KCNH1: variants seen among roughly 807,000 people sequenced by gnomAD.
The protein encoded by KCNH1 is voltage-gated delayed rectifier potassium channel KCNH1.
A neutral mutation model predicts 69.2 loss-of-function variants in KCNH1; 27 were observed. The ratio of observed to expected loss-of-function variants is 0.39; its 90% CI spans 0.29 to 0.54. KCNH1 has a LOEUF of 0.54. Ranked by LOEUF, KCNH1 falls within the 20% of genes least tolerant of loss-of-function variation. KCNH1 has a pLI of 0.68. For synonymous variants in KCNH1, 456 were observed against 487.7 expected, an observed-to-expected ratio of 0.93 and a Z score of 0.86; for missense variants, 798 against 1,261.6, an observed-to-expected ratio of 0.63 and a Z score of 5.57.
chr1:210,787,091 A>T (rs919970399), intron 9 of KCNH1, among the ~76,000 whole-genome samples: 1 of 151,604 alleles, frequency 6.6e-6, no homozygotes, highest in African/African-American at 2.4e-5. Flanking sequence ...AAATTCCCTA[A>T]CAAGTCTCAA....
chr1:210,833,751 C>T (rs1467974828), intron 7 of KCNH1, among the ~76,000 whole-genome samples: 2 of 152,016 alleles, frequency 1.3e-5, no homozygotes, highest in South Asian at 2.1e-4. Context: ...ACAGGCAACC[C>T]ACAAAATGGG....
intron 5 of KCNH1, among the ~76,000 whole-genome samples, chr1:211,077,972 T>A (rs1424037101): frequency 6.7e-6 from 1 of 149,426 alleles, no homozygotes; most frequent in Non-Finnish European, 1.5e-5. Flanking sequence ...GCAATCCTAG[T>A]CTCTGATAAA....
intron 5 of KCNH1, among the ~76,000 whole-genome samples, chr1:211,049,936 G>A (rs1200138749): frequency 6.6e-6 from 1 of 152,092 alleles, no homozygotes; most frequent in African/African-American, 2.4e-5. Context: ...AGAAACCAGA[G>A]TCAAACACAG....
chr1:210,953,157 G>GGC (rs1455254137), intron 6 of KCNH1, among the ~76,000 whole-genome samples: 4 of 152,114 alleles, frequency 2.6e-5, no homozygotes, highest in Non-Finnish European at 5.9e-5. Context: ...AGAGCAAAGG[G>GGC]TGAGACTTTT....
chr1:211,096,682 G>C (rs530428170), intron 3 of KCNH1, among the ~76,000 whole-genome samples: 3 of 152,048 alleles, frequency 2.0e-5, no homozygotes, highest in Non-Finnish European at 4.4e-5. Context: ...ACGTCAAACC[G>C]CTCCCTCTAA....
At chr1:210,979,037 G>C (rs565684097) in intron 6 of KCNH1, among the ~76,000 whole-genome samples, 1 of 152,084 alleles carries the variant, frequency 6.6e-6, no homozygotes, top group Admixed American at 6.6e-5. Flanking sequence ...CTGCAACCTC[G>C]GGCTTCTAGA....
chr1:210,942,367 C>G (rs1346587753), intron 6 of KCNH1, among the ~76,000 whole-genome samples: 1 of 152,126 alleles, frequency 6.6e-6, no homozygotes, highest in Non-Finnish European at 1.5e-5. Flanking sequence ...GTCACCCAAC[C>G]TCTCCGAGCT....
At position 210,822,669 on chromosome 1, in the gene KCNH1, T is replaced by G. The variant is rs551644952; in HGVS notation, c.1463-18503A>C. The stretch of plus-strand genomic sequence containing the variant: ...TTATGCTGCTGATTCTGCATGCTTT[T>G]CACACCCCATCTGTACCCAATGTTC... On this transcript the variant is annotated intron_variant, in intron 7 of 10. Transcript: ENST00000271751. Among the ~76,000 whole-genome samples, 27 of 152,244 alleles carry G rather than the reference T, an allele frequency of 1.8e-4. 1 individual carries two copies. In the South Asian group the frequency reaches 5.2e-3, roughly 29 times the overall value.
intron 10 of KCNH1, among the ~76,000 whole-genome samples, chr1:210,708,669 C>G (rs1308690208): frequency 6.6e-6 from 1 of 152,062 alleles, no homozygotes; most frequent in Non-Finnish European, 1.5e-5. Flanking sequence ...GGCACAAGTA[C>G]TGAGCCTGCA....
chr1:211,120,566 T>A (rs1236720613), intron 1 of KCNH1, among the ~76,000 whole-genome samples: 2 of 152,112 alleles, frequency 1.3e-5, no homozygotes, highest in Non-Finnish European at 2.9e-5. Context: ...TATAGACAAT[T>A]TGAACAAAAA....
At position 211,103,431 on chromosome 1, in the gene KCNH1, G is replaced by C. The variant is rs145871340; in HGVS notation, c.310+65C>G. ...AAGAAAAACCAAGACAGCAACAGAGGAAGAGGAGATATTTTACTATTTCAA... is the reference window on the plus strand; with the variant it reads ...AAGAAAAACCAAGACAGCAACAGAGCAAGAGGAGATATTTTACTATTTCAA... On this transcript the variant is annotated intron_variant, in intron 3 of 10. Transcript: ENST00000271751. 1.5e-4 allele frequency: 158 copies of C among 1,028,518 alleles called. No individual in the cohort carries two copies. The African/African-American group carries it at 2.0e-3, about 13-fold the overall frequency. The allele number at this position is 1,028,518 out of a possible 1,614,324, so 63.7% of individuals were successfully genotyped here.
intron 7 of KCNH1, among the ~76,000 whole-genome samples, chr1:210,867,903 G>A (rs1686149877): frequency 6.6e-6 from 1 of 151,914 alleles, no homozygotes; most frequent in Non-Finnish European, 1.5e-5. Context: ...ATAGACTAAA[G>A]TTTGTTTTGC....
intron 6 of KCNH1, among the ~76,000 whole-genome samples, chr1:210,979,557 T>G (rs1222787238): frequency 6.6e-6 from 1 of 152,246 alleles, no homozygotes; most frequent in Non-Finnish European, 1.5e-5. Flanking sequence ...GTTTCACTTC[T>G]TCATATCTGG....
intron 7 of KCNH1, among the ~76,000 whole-genome samples, chr1:210,848,786 C>T (rs1486911242): frequency 6.6e-6 from 1 of 152,196 alleles, no homozygotes; most frequent in Non-Finnish European, 1.5e-5. Flanking sequence ...ATCTTACCAA[C>T]TGGGCCCCCA....
intron 10 of KCNH1, among the ~76,000 whole-genome samples, chr1:210,772,193 A>G (rs1321071500): frequency 6.6e-6 from 1 of 152,218 alleles, no homozygotes; most frequent in Non-Finnish European, 1.5e-5. Context: ...GAAGTAGAGA[A>G]GAGATTGAAC....
chr1:210,907,002 T>C (rs1283191333), intron 7 of KCNH1, among the ~76,000 whole-genome samples: 1 of 152,138 alleles, frequency 6.6e-6, no homozygotes, highest in Non-Finnish European at 1.5e-5. Context: ...TCCATCAAAA[T>C]GTTAAACTTC....
intron 4 of KCNH1, among the ~76,000 whole-genome samples, chr1:211,087,627 A>G (rs1468605467): frequency 9.9e-6 from 1 of 100,704 alleles, no homozygotes; most frequent in East Asian, 2.5e-4. Flanking sequence ...ACACACACAC[A>G]CACACACACA....
In KCNH1 at chr1:210,865,509, A is replaced by C. The variant is rs1034745095; in HGVS notation, c.1462+54131T>G. On this transcript the variant is annotated intron_variant, in intron 7 of 10. Transcript: ENST00000271751. ...TCTTGGTTCTAGGGCAGTAGGAATA[A>C]GGTAGCAAAGAAAAAAAAAAGGCAG... 4.6e-5 allele frequency among the ~76,000 whole-genome samples: 7 copies of C among 152,320 alleles called. 1 individual carries two copies. In the South Asian group the frequency reaches 1.4e-3, roughly 32 times the overall value.
intron 7 of KCNH1, among the ~76,000 whole-genome samples, chr1:210,809,889 A>G (rs1302346516): frequency 6.6e-6 from 1 of 152,024 alleles, no homozygotes; most frequent in East Asian, 1.9e-4. Flanking sequence ...CCAGGAACTC[A>G]GTTTCCAAGG....
Sources: gnomAD v4.1 joint callset for allele counts (sites outside exome capture counted in the v4.1 genomes callset) on GRCh38, gnomAD v4.1.1 for gene constraint, MANE v1.5 for transcripts, NCBI Gene and HGNC (gene_info 2026-07-23, HGNC 2026-07-21) for gene names.